The following CCDC32 variants were observed in gnomAD, a reference collection of about 807,000 sequenced individuals.
CCDC32 encodes the protein coiled-coil domain containing 32, also known as coiled-coil domain-containing protein 32.
In CCDC32, 9 loss-of-function variants were observed where a neutral mutation model predicts 20.1. That is an observed-to-expected ratio of 0.45 (90% CI 0.27 to 0.78). The LOEUF is 0.78. Ranked by LOEUF, CCDC32 falls within the 30% of genes least tolerant of loss-of-function variation. The pLI, the probability that CCDC32 is intolerant of heterozygous loss-of-function variation, is 0.16. For synonymous variants in CCDC32, 63 were observed against 79.0 expected, an observed-to-expected ratio of 0.80 and a Z score of 1.07; for missense variants, 204 against 215.5, an observed-to-expected ratio of 0.95 and a Z score of 0.33.
chr15:40,551,469 C>T (rs1177142832), downstream of CCDC32, among the ~76,000 whole-genome samples: 1 of 152,050 alleles, frequency 6.6e-6, no homozygotes, highest in Non-Finnish European at 1.5e-5. Context: ...AGATGGCAGC[C>T]TGCAAGCCTG....
intron 3 of CCDC32, among the ~76,000 whole-genome samples, chr15:40,541,842 A>G (rs909469736): frequency 2.1e-4 from 32 of 152,154 alleles, no homozygotes; most frequent in African/African-American, 6.8e-4. Context: ...TGATCTTCCA[A>G]CCCAAGAGTC....
downstream of CCDC32, among the ~76,000 whole-genome samples, chr15:40,551,809 CAAAAAAAAAAA>C (rs59499493): frequency 5.0e-3 from 480 of 96,274 alleles, 8 homozygotes; most frequent in Middle Eastern, 0.021. Flanking sequence ...GACCCTGTCT[CAAAAAAAAAAA>C]AAAAAAAAAA....
chr15:40,564,906 T>G lies in CCDC32; in HGVS notation c.-13+70A>C, dbSNP rs184651651. The G allele has an allele frequency of 4.1e-4, 513 of 1,237,028 alleles. 5 individuals carry two copies. In the East Asian group the frequency reaches 0.011, roughly 26 times the overall value. The allele number at this position is 1,237,028 out of a possible 1,614,324, so 76.6% of individuals were successfully genotyped here. A position where few individuals can be genotyped will look rare whatever the true frequency, so the allele number is the denominator to read the frequency against. ...GATGAATCAGGTCCCAAGGCCTCTA[T>G]GTGGTATTCCGGGGCCGGGCCAGAG... is the stretch of plus-strand genomic sequence containing the variant. On this transcript the variant is annotated intron_variant, in intron 1 of 3. Transcript: ENST00000416810.
intron 3 of CCDC32, among the ~76,000 whole-genome samples, chr15:40,556,055 G>T (rs948810738): frequency 6.6e-6 from 1 of 152,150 alleles, no homozygotes; most frequent in Non-Finnish European, 1.5e-5. Flanking sequence ...AGAGCTGATT[G>T]CTCCCATTTC....
chr15:40,521,039 C>CAT, the CCDC32 span, among the ~76,000 whole-genome samples: 1 of 152,282 alleles, frequency 6.6e-6, no homozygotes, highest in Admixed American at 6.5e-5. Context: ...GGAAGTGGAT[C>CAT]ATCATAAAGA....
At chr15:40,533,969 G>A (rs1888999726), downstream of CCDC32, among the ~76,000 whole-genome samples, 1 of 152,220 alleles carries the variant, frequency 6.6e-6, no homozygotes, top group Non-Finnish European at 1.5e-5. Flanking sequence ...AGAGGGGCTG[G>A]TGAAACTTGT....
chr15:40,548,772 T>G (rs569786744), downstream of CCDC32, among the ~76,000 whole-genome samples: 1 of 152,248 alleles, frequency 6.6e-6, no homozygotes, highest in East Asian at 1.9e-4. Context: ...TGGAGTGCTT[T>G]CATGACCTTG....
downstream of CCDC32, among the ~76,000 whole-genome samples, chr15:40,551,976 G>A (rs1228611463): frequency 7.9e-5 from 12 of 151,872 alleles, no homozygotes; most frequent in Admixed American, 6.6e-5. Flanking sequence ...AAAATAATGC[G>A]ACCCTGTCTC....
chr15:40,554,123 A>T lies in CCDC32; in HGVS notation c.406T>A (p.Leu136Met). ...TGGAGCCACCTCTTGAAATGTTCCA[A>T]GGTGCTATGAAAGGGCAGAATAAAA... is the stretch of plus-strand genomic sequence containing the variant. ...VDGLDSDESTLEHFKRWLQPD... is the reference protein window; with the variant it reads ...VDGLDSDESTMEHFKRWLQPD... Residue 136 changes from leucine to methionine, a missense_variant, in exon 4 of 4, where the codon TTG becomes ATG. By Grantham distance (15) the Leu-to-Met change is conservative. Transcript: ENST00000416810. 6.2e-7 allele frequency: 1 copy of T among 1,613,202 alleles called. No individual in the cohort carries two copies. Among genetic ancestry groups the T allele is most frequent in the Non-Finnish European group, 8.5e-7 (1 of 1,179,330 alleles).
intron 3 of CCDC32, 86 bp downstream of exon 3, chr15:40,557,130 C>G (rs1890296305): frequency 6.6e-7 from 1 of 1,504,364 alleles, no homozygotes; most frequent in Non-Finnish European, 8.9e-7. Flanking sequence ...AAAGTCTGTT[C>G]TTAAAAATCT....
intron 3 of CCDC32, among the ~76,000 whole-genome samples, chr15:40,543,145 A>C (rs929405127): frequency 2.0e-5 from 3 of 151,936 alleles, no homozygotes; most frequent in African/African-American, 7.2e-5. Context: ...CTGTCTAAAA[A>C]AAAAAACAAA....
chr15:40,524,805 C>T (rs1894880717), downstream of CCDC32, among the ~76,000 whole-genome samples: 1 of 128,488 alleles, frequency 7.8e-6, no homozygotes, highest in African/African-American at 3.2e-5. Flanking sequence ...AGGTTTTCTA[C>T]AGCCTCGACC....
At chr15:40,539,840 C>CCACACACACACA (rs142688774) in intron 3 of CCDC32, among the ~76,000 whole-genome samples, 8,058 of 134,424 alleles carry the variant, frequency 0.06, 336 homozygotes, top group East Asian at 0.15. Context: ...CAAACTGTTG[C>CCACACACACACA]CACACACACA....
downstream of CCDC32, among the ~76,000 whole-genome samples, chr15:40,534,036 A>C (rs190480390): frequency 6.6e-6 from 1 of 152,260 alleles, no homozygotes; most frequent in Non-Finnish European, 1.5e-5. Context: ...GTGAAGCATT[A>C]TGTCAATTCA....
At chr15:40,528,858 T>C (rs932630212) in intron 3 of CCDC32, 3 of 674,258 alleles carry the variant, frequency 4.4e-6, no homozygotes, top group Non-Finnish European at 8.0e-6. Flanking sequence ...TGCATAATGG[T>C]GGCTCTGAGC....
exon 4 of CCDC32, chr15:40,528,703 G>A (rs1380880074): frequency 7.2e-6 from 5 of 699,120 alleles, no homozygotes; most frequent in Admixed American, 6.1e-5. Context: ...ATGGGTGCAG[G>A]CCTTGTCCAC....
chr15:40,558,810 T>C (rs1037330525), intron 2 of CCDC32, among the ~76,000 whole-genome samples: 61 of 150,892 alleles, frequency 4.0e-4, no homozygotes, highest in African/African-American at 1.4e-3. Flanking sequence ...TTCTTTCTTT[T>C]TTTTTTTGAG....
downstream of CCDC32, chr15:40,538,809 TAGAGCA>T: frequency 6.3e-6 from 1 of 157,828 alleles, no homozygotes; most frequent in African/African-American, 2.4e-5. Context: ...ATGTTTTCCT[TAGAGCA>T]ATAAAGGCTT....
At chr15:40,530,722 CTTT>C (rs35147425), downstream of CCDC32, among the ~76,000 whole-genome samples, 26 of 139,010 alleles carry the variant, frequency 1.9e-4, no homozygotes, top group South Asian at 2.4e-4. Flanking sequence ...TCAGGTATTC[CTTT>C]TTTTTTTTTT....
Sources: allele counts gnomAD v4.1 joint callset (sites outside exome capture counted in the v4.1 genomes callset), GRCh38; gene constraint gnomAD v4.1.1; transcripts MANE v1.5; gene names NCBI Gene and HGNC (gene_info 2026-07-23, HGNC 2026-07-21).